Variants in LOXHD1 observed in about 807,000 individuals in gnomAD.
LOXHD1 encodes lipoxygenase homology PLAT domains 1.
A neutral mutation model predicts 248.2 loss-of-function variants in LOXHD1; 205 were observed. That is an observed-to-expected ratio of 0.83 (90% CI 0.74 to 0.93). The LOEUF (loss-of-function observed/expected upper bound fraction) is 0.93. LOXHD1 is among the 40% of genes least tolerant of loss of function. The pLI is 0.00. For missense variants in LOXHD1, 2,930 were observed against 2,971.6 expected (o/e 0.99, Z 0.33); for synonymous variants, 1,113 against 1,162.8 (o/e 0.96, Z 0.87).
chr18:46,546,913 G>C lies in LOXHD1; in HGVS notation c.3496C>G (p.Leu1166Val), dbSNP rs1338708911. The change falls in exon 22 of 41, where the codon CTG becomes GTG. Residue 1166 changes from leucine (L) to valine (V), a missense_variant. Transcript: ENST00000642948. ...AGAAAACCTTTCTGCTCCAGGGCCA[G>C]GTTGTCGAGGGGGTTGTTGTCACCG... ...GGGDNNPLDN[L>V]ALEQKDKSTT... is the part of the protein sequence containing the mutation. 1.9e-6 allele frequency: 3 copies of C among 1,550,858 alleles called. No individual in the cohort carries two copies. Among genetic ancestry groups the C allele is most frequent in the African/African-American group, 2.7e-5 (2 of 73,030 alleles).
chr18:46,601,290 A>C lies in LOXHD1; in HGVS notation c.1061T>G (p.Leu354Arg), dbSNP rs727503150. The C allele has an allele frequency of 3.2e-6, 5 of 1,551,706 alleles. No individual in the cohort carries two copies. Among genetic ancestry groups the C allele is most frequent in the Non-Finnish European group, 3.5e-6 (4 of 1,146,990 alleles). ...GGAGACCCGACTCAGGGGGCTAAGG[A>C]GGACAGCCAGCTCGATGTGGAAGAT... ...TDIFHIELAV[L>R]LSPLSRVSVG... Residue 354 changes from leucine to arginine, a missense_variant, in exon 8 of 41, where the codon CTC becomes CGC. Physicochemically the swap from Leu to Arg is moderately radical, Grantham distance 102. Coordinates refer to ENST00000642948, the MANE Select transcript of LOXHD1 (RefSeq NM_001384474.1).
intron 24 of LOXHD1, among the ~76,000 whole-genome samples, chr18:46,542,436 G>A (rs1436777595): frequency 6.6e-6 from 1 of 152,210 alleles, no homozygotes; most frequent in Non-Finnish European, 1.5e-5. Flanking sequence ...GAACTACTGA[G>A]TTAGATCGGA....
chr18:46,641,912 C>A (rs535712967), intron 3 of LOXHD1, 44 bp downstream of exon 3: 1 of 1,525,474 alleles, frequency 6.6e-7, no homozygotes, highest in Non-Finnish European at 8.9e-7. Flanking sequence ...CAATCCCTCA[C>A]TTTCATCTCC....
chr18:46,619,357 G>A (rs1489920045), intron 4 of LOXHD1, among the ~76,000 whole-genome samples: 5 of 152,100 alleles, frequency 3.3e-5, no homozygotes, highest in African/African-American at 1.2e-4. Flanking sequence ...GCCCTTAGAG[G>A]TTTTTCTCTT....
At chr18:46,533,093 G>A in intron 28 of LOXHD1, 69 bp downstream of exon 28, 2 of 1,503,880 alleles carry the variant, frequency 1.3e-6, no homozygotes, top group Non-Finnish European at 1.8e-6. Context: ...CTGGCACAGG[G>A]CATGTGCTCA....
At chr18:46,656,770 G>C (rs147287086) in intron 1 of LOXHD1, 134 bp downstream of exon 1, 246 of 1,065,568 alleles carry the variant, frequency 2.3e-4, no homozygotes, top group Non-Finnish European at 3.2e-4. Context: ...AGGGGATATG[G>C]AACAGACACA....
intron 28 of LOXHD1, 57 bp downstream of exon 28, chr18:46,533,105 G>A (rs1486504820): frequency 6.5e-7 from 1 of 1,534,508 alleles, no homozygotes; most frequent in Non-Finnish European, 8.8e-7. Flanking sequence ...ATGTGCTCAG[G>A]AGGACCAGGG....
intron 2 of LOXHD1, among the ~76,000 whole-genome samples, chr18:46,646,083 ATG>A (rs1221385053): frequency 2.6e-5 from 4 of 152,180 alleles, no homozygotes; most frequent in African/African-American, 7.2e-5. Context: ...ACAAATATGC[ATG>A]TGTGTGTGTA....
At chr18:46,612,182 C>T (rs1422136799) in intron 5 of LOXHD1, among the ~76,000 whole-genome samples, 2 of 152,154 alleles carry the variant, frequency 1.3e-5, no homozygotes, top group Non-Finnish European at 2.9e-5. Context: ...CTATTGCAAG[C>T]AGCACTAAAA....
At chr18:46,556,385 G>T (rs2037331333) in intron 21 of LOXHD1, among the ~76,000 whole-genome samples, 1 of 152,152 alleles carries the variant, frequency 6.6e-6, no homozygotes, top group Non-Finnish European at 1.5e-5. Flanking sequence ...ACAGGGATTG[G>T]AAATCCTGTC....
intron 40 of LOXHD1, among the ~76,000 whole-genome samples, chr18:46,478,328 C>T (rs1413043258): frequency 2.0e-5 from 3 of 152,078 alleles, no homozygotes; most frequent in African/African-American, 7.2e-5. Context: ...GGATTACAGG[C>T]GTGAGCCACT....
chr18:46,631,311 C>T (rs996781456), intron 4 of LOXHD1, among the ~76,000 whole-genome samples: 1 of 152,034 alleles, frequency 6.6e-6, no homozygotes, highest in Non-Finnish European at 1.5e-5. Flanking sequence ...CAGCTACAAC[C>T]CCCCCACCAC....
In LOXHD1 at chr18:46,592,669, C is replaced by T. The variant is rs746206473; in HGVS notation, c.1432-85G>A. Reference sequence around the variant, plus strand: ...TAGCTGACCCACTCTCAGGAGGGTACCTGCTTTGGGCTCTTTCTTCAGCAG... The same window carrying T: ...TAGCTGACCCACTCTCAGGAGGGTATCTGCTTTGGGCTCTTTCTTCAGCAG... On this transcript the variant is annotated intron_variant, in intron 10 of 40. Transcript: ENST00000642948. 2.2e-5 allele frequency: 25 copies of T among 1,153,852 alleles called. No homozygotes were observed. In the East Asian group the frequency reaches 3.8e-4, roughly 18 times the overall value. The allele number at this position is 1,153,852 out of a possible 1,614,324, so 71.5% of individuals were successfully genotyped here.
chr18:46,592,512 A>G lies in LOXHD1; in HGVS notation c.1504T>C (p.Trp502Arg), dbSNP rs1471477522. Residue 502 changes from tryptophan (W) to arginine (R), a missense_variant, in exon 11 of 41, where the codon TGG becomes CGG. Transcript: ENST00000642948. Reference protein sequence around the residue: ...WHDKRSSGSGWHLERMTLMNT... With the variant: ...WHDKRSSGSGRHLERMTLMNT... Reference sequence around the variant, plus strand: ...GTGCATCTCACCCTTTCTAAATGCCATCCAGAACCAGAACTCCTTTTATCA... The same window carrying G: ...GTGCATCTCACCCTTTCTAAATGCCGTCCAGAACCAGAACTCCTTTTATCA... The G allele has an allele frequency of 6.4e-7, 1 of 1,551,510 alleles. No homozygotes were observed. Among genetic ancestry groups the G allele is most frequent in the Non-Finnish European group, 8.7e-7 (1 of 1,146,928 alleles).
intron 8 of LOXHD1, among the ~76,000 whole-genome samples, chr18:46,599,157 G>A (rs1248894167): frequency 6.6e-6 from 1 of 152,074 alleles, no homozygotes; most frequent in Non-Finnish European, 1.5e-5. Flanking sequence ...TTTTATGTGT[G>A]GTAGAAAAGT....
At chr18:46,516,610 A>G (rs980580028) in intron 34 of LOXHD1, among the ~76,000 whole-genome samples, 1 of 151,896 alleles carries the variant, frequency 6.6e-6, no homozygotes, top group Non-Finnish European at 1.5e-5. Flanking sequence ...CATCCCTACC[A>G]TCATCACCTT....
chr18:46,521,008 ACTT>A, intron 33 of LOXHD1, 86 bp downstream of exon 33: 1 of 1,441,634 alleles, frequency 6.9e-7, no homozygotes, highest in Non-Finnish European at 9.4e-7. Context: ...TGAGTCTCCT[ACTT>A]CTTCCACTTC....
At chr18:46,478,807 C>G (rs2032275611) in intron 40 of LOXHD1, among the ~76,000 whole-genome samples, 1 of 152,198 alleles carries the variant, frequency 6.6e-6, no homozygotes, top group Non-Finnish European at 1.5e-5. Flanking sequence ...ATCCTCCTGC[C>G]TCAGCCTCCT....
chr18:46,520,208 C>A, intron 33 of LOXHD1: 1 of 460,144 alleles, frequency 2.2e-6, no homozygotes, highest in African/African-American at 2.0e-5. Context: ...GGCCCCCACA[C>A]TCCTGCCTGT....
Sources: allele counts gnomAD v4.1 joint callset (sites outside exome capture counted in the v4.1 genomes callset), GRCh38; gene constraint gnomAD v4.1.1; transcripts MANE v1.5; gene names NCBI Gene and HGNC (gene_info 2026-07-23, HGNC 2026-07-21).